DTNB: variants seen among roughly 807,000 people sequenced by gnomAD.
DTNB encodes DTN-B.
DTNB carries 63 observed loss-of-function variants against 90.7 expected under a neutral mutation model. The observed-to-expected ratio is 0.69, with a 90% confidence interval of 0.57 to 0.86. The LOEUF is 0.86. Among genes scored for constraint, DTNB ranks in the 40% least tolerant of loss-of-function variants. DTNB has a pLI of 0.00. For missense variants in DTNB, 744 were observed against 807.1 expected, an observed-to-expected ratio of 0.92 and a Z score of 0.95; for synonymous variants, 277 against 286.7, an observed-to-expected ratio of 0.97 and a Z score of 0.34.
Position 25,633,244 on chromosome 2 carries a change from G to C in DTNB, c.149-4860C>G, listed in dbSNP as rs538592615. Among the ~76,000 whole-genome samples, 361 of 152,082 alleles carry C rather than the reference G, an allele frequency of 2.4e-3. 1 individual carries two copies. Among genetic ancestry groups the C allele is most frequent in the African/African-American group, 7.1e-3 (295 of 41,508 alleles). ...AGCTGGACTGTACTGCTGCCATCTC[G>C]GCTCACTGCAACCTCCCTGCCTGAT... is the stretch of plus-strand genomic sequence containing the variant. On this transcript the variant is annotated intron_variant, in intron 3 of 20. Coordinates refer to ENST00000406818, the MANE Select transcript of DTNB (RefSeq NM_021907.5).
At chr2:25,671,703 C>G (rs1425872429) in intron 1 of DTNB, among the ~76,000 whole-genome samples, 1 of 152,212 alleles carries the variant, frequency 6.6e-6, no homozygotes, top group Admixed American at 6.5e-5. Context: ...CCAGCACTAC[C>G]TTGACTGCAC....
rs778555999 is a variant in DTNB at position 25,419,551 on chromosome 2, T to C, written c.1555-16A>G. 8 of 1,546,998 alleles carry C rather than the reference T, an allele frequency of 5.2e-6. No individual in the cohort carries two copies. On this transcript the variant is annotated splice_polypyrimidine_tract_variant and intron_variant, in intron 15 of 20. Coordinates refer to ENST00000406818, the MANE Select transcript of DTNB (RefSeq NM_021907.5). ...GCTCTTCCTCCTGGAGTGTTGAAGA[T>C]GAAAAAAAAAGGCAGAGGAAAAAAG...
rs144880659 is a variant in DTNB, at chr2:25,452,819, G to C, written c.1170-1184C>G. On this transcript the variant is annotated intron_variant, in intron 11 of 20. Coordinates refer to ENST00000406818, the MANE Select transcript of DTNB (RefSeq NM_021907.5). ...TCTTTCTTCTGGGATTTTTTTTTAA[G>C]TGCTTCGAGTCTTCGCCTATGACAT... 3.7e-3 allele frequency among the ~76,000 whole-genome samples: 552 copies of C among 149,150 alleles called. 5 individuals are homozygous for C. Among genetic ancestry groups the C allele is most frequent in the African/African-American group, 0.013 (520 of 40,358 alleles).
At chr2:25,484,536 C>T (rs928007138) in intron 9 of DTNB, among the ~76,000 whole-genome samples, 2 of 152,182 alleles carry the variant, frequency 1.3e-5, no homozygotes, top group African/African-American at 4.8e-5. Context: ...TCTCTTTCTC[C>T]ATCTATCTAT....
chr2:25,401,173 C>A (rs1180061884), intron 16 of DTNB, among the ~76,000 whole-genome samples: 1 of 152,130 alleles, frequency 6.6e-6, no homozygotes, highest in Non-Finnish European at 1.5e-5. Context: ...GAAAACTAAG[C>A]ATATTGGGAT....
At chr2:25,434,161 T>A (rs1446349211) in intron 12 of DTNB, among the ~76,000 whole-genome samples, 166 bp from the exon 13 acceptor site, 2 of 152,154 alleles carry the variant, frequency 1.3e-5, no homozygotes, top group African/African-American at 4.8e-5. Flanking sequence ...TTTAAACAGT[T>A]GTGCAACCAA....
intron 19 of DTNB, among the ~76,000 whole-genome samples, chr2:25,382,266 C>T (rs1228741661): frequency 6.6e-6 from 1 of 152,148 alleles, no homozygotes; most frequent in African/African-American, 2.4e-5. Flanking sequence ...CATTTATTTC[C>T]TTTGATTTGT....
At chr2:25,437,582 C>A (rs1474797907) in intron 12 of DTNB, among the ~76,000 whole-genome samples, 1 of 151,910 alleles carries the variant, frequency 6.6e-6, no homozygotes, top group Non-Finnish European at 1.5e-5. Context: ...ATCTTAAACA[C>A]CATAGTGCTC....
At chr2:25,435,880 G>A (rs1225235192) in intron 12 of DTNB, among the ~76,000 whole-genome samples, 1 of 152,228 alleles carries the variant, frequency 6.6e-6, no homozygotes, top group Admixed American at 6.5e-5. Flanking sequence ...CCTAATGGGT[G>A]TGAAGTGGTA....
chr2:25,654,532 T>A (rs2081673639), intron 1 of DTNB, among the ~76,000 whole-genome samples: 2 of 152,172 alleles, frequency 1.3e-5, no homozygotes, highest in African/African-American at 4.8e-5. Context: ...CGGTAAACAT[T>A]CGAAAACAGC....
chr2:25,518,061 G>A (rs2075425392), intron 9 of DTNB, among the ~76,000 whole-genome samples: 1 of 152,004 alleles, frequency 6.6e-6, no homozygotes, highest in Non-Finnish European at 1.5e-5. Flanking sequence ...AGGGGGTGGA[G>A]GGAAAGGGCA....
In DTNB at chr2:25,433,008, G is replaced by A. The variant is rs1400888879; in HGVS notation, c.1344-9C>T. On this transcript the variant is annotated splice_polypyrimidine_tract_variant and intron_variant, in intron 13 of 20. Coordinates refer to ENST00000406818, the MANE Select transcript of DTNB (RefSeq NM_021907.5). Reference sequence around the variant, plus strand: ...TCTCCTGCAGGATCTCTCTAGAGAGGATGGGTGAACGGAAAGGGGCTGCAC... The same window carrying A: ...TCTCCTGCAGGATCTCTCTAGAGAGAATGGGTGAACGGAAAGGGGCTGCAC... 1.3e-6 allele frequency: 2 copies of A among 1,595,702 alleles called. No individual in the cohort carries two copies. The highest frequency in any genetic ancestry group is 2.7e-5 in the African/African-American group (2 of 74,680).
intron 6 of DTNB, among the ~76,000 whole-genome samples, chr2:25,586,452 G>A (rs1429514162): frequency 6.6e-6 from 1 of 150,468 alleles, no homozygotes; most frequent in Non-Finnish European, 1.5e-5. Context: ...GGAGGTTGCA[G>A]TGAGTCGAGA....
intron 10 of DTNB, among the ~76,000 whole-genome samples, chr2:25,474,574 T>C (rs577390341): frequency 6.6e-6 from 1 of 152,352 alleles, no homozygotes; most frequent in Non-Finnish European, 1.5e-5. Flanking sequence ...TAGTGATTTT[T>C]GTCATTCTGC....
At position 25,634,644 on chromosome 2, in the gene DTNB, G is replaced by A. The variant is rs1322687735; in HGVS notation, c.148+4370C>T. Among the ~76,000 whole-genome samples the A allele has an allele frequency of 4.3e-5, 5 of 115,476 alleles. 1 individual carries two copies. The highest frequency in any genetic ancestry group is 6.1e-5 in the Non-Finnish European group (3 of 48,874). 75.8% of individuals were successfully genotyped at this position (115,476 alleles called of 152,430 possible). ...GGAAAGGTGGGGAAAAGATTGAGAG[G>A]TTGGATGGTTGCCGTGTCTGTGTAG... On this transcript the variant is annotated intron_variant, in intron 3 of 20. Transcript: ENST00000406818.
chr2:25,482,406 A>C (rs2065155081), intron 10 of DTNB, among the ~76,000 whole-genome samples: 1 of 152,226 alleles, frequency 6.6e-6, no homozygotes, highest in African/African-American at 2.4e-5. Flanking sequence ...TACACAGTCT[A>C]ATCAAAGAGC....
intron 14 of DTNB, among the ~76,000 whole-genome samples, chr2:25,431,874 C>T (rs1054859948): frequency 6.6e-6 from 1 of 152,190 alleles, no homozygotes; most frequent in Non-Finnish European, 1.5e-5. Flanking sequence ...ACCCAAATCT[C>T]AGCCTAACTA....
At chr2:25,517,551 A>C (rs1040977100) in intron 9 of DTNB, among the ~76,000 whole-genome samples, 2 of 152,362 alleles carry the variant, frequency 1.3e-5, no homozygotes, top group African/African-American at 4.8e-5. Context: ...AAGGATGTGC[A>C]AAGTTGGAAC....
In DTNB at chr2:25,424,543, T is replaced by A. The variant is rs1558465925; in HGVS notation, c.1554+2992A>T. ...CACTCTGGCTTCCCTGCAGTTTACA[T>A]AAACCTTTTGCCTTTTACAAAAATC... On this transcript the variant is annotated intron_variant, in intron 15 of 20. Coordinates refer to ENST00000406818, the MANE Select transcript of DTNB (RefSeq NM_021907.5). The surrounding 1 kb of genome is among the most constrained non-coding windows in gnomAD (Gnocchi z 4.1). Among the ~76,000 whole-genome samples, 1 of 152,176 alleles carries A rather than the reference T, an allele frequency of 6.6e-6. No individual in the cohort carries two copies. Among genetic ancestry groups the A allele is most frequent in the Non-Finnish European group, 1.5e-5 (1 of 68,038 alleles).
Sources: gnomAD v4.1 joint callset for allele counts (sites outside exome capture counted in the v4.1 genomes callset) on GRCh38, gnomAD v4.1.1 for gene constraint, Gnocchi (gnomAD v3.1) non-coding constraint, MANE v1.5 for transcripts, NCBI Gene and HGNC (gene_info 2026-07-23, HGNC 2026-07-21) for gene names.